Variants in PCDHGA7 observed in about 807,000 individuals in gnomAD.
The protein encoded by PCDHGA7 is protocadherin gamma subfamily A, 7.
PCDHGA7 carries 44 observed loss-of-function variants against 58.3 expected under a neutral mutation model. That is an observed-to-expected ratio of 0.75 (90% CI 0.59 to 0.97). The LOEUF (loss-of-function observed/expected upper bound fraction) is 0.97. PCDHGA7 is among the 50% of genes least tolerant of loss of function. PCDHGA7 has a pLI of 0.00. For synonymous variants in PCDHGA7, 516 were observed against 504.2 expected, an observed-to-expected ratio of 1.02 and a Z score of -0.31; for missense variants, 1,266 against 1,188.7, an observed-to-expected ratio of 1.06 and a Z score of -0.96.
rs184178455 is a variant in PCDHGA7 at position 141,428,574 on chromosome 5, T to C, written c.2424+43251T>C. ...CAGTCCCCCCACAAGATCTTTCTAA[T>C]GAAGTTTCTCTGGTAGCAAGCTTCA... is the stretch of plus-strand genomic sequence containing the variant. On this transcript the variant is annotated intron_variant, in intron 1 of 3. Transcript: ENST00000518325. 1.8e-3 allele frequency: 416 copies of C among 229,070 alleles called. 3 individuals are homozygous for C. The highest frequency in any genetic ancestry group is 2.8e-3 in the Non-Finnish European group (314 of 113,918). The allele number at this position is 229,070 out of a possible 1,614,324, so 14.2% of individuals were successfully genotyped here. A position where few individuals can be genotyped will look rare whatever the true frequency, so the allele number is the denominator to read the frequency against.
chr5:141,403,788 A>G, intron 1 of PCDHGA7: 3 of 1,613,956 alleles, frequency 1.9e-6, no homozygotes, highest in South Asian at 1.1e-5. Context: ...AAAGTGGCAT[A>G]CAAATTCTGG....
chr5:141,454,860 T>G (rs62379170), intron 1 of PCDHGA7, among the ~76,000 whole-genome samples: 5,850 of 133,200 alleles, frequency 0.044, 153 homozygotes, highest in Middle Eastern at 0.11. Context: ...CAGGCTGGAG[T>G]GCAGTGGCAC....
At chr5:141,483,648 TTGTGTGTGTG>T (rs111458813) in intron 1 of PCDHGA7, among the ~76,000 whole-genome samples, 35 of 149,708 alleles carry the variant, frequency 2.3e-4, no homozygotes, top group Non-Finnish European at 4.6e-4. Flanking sequence ...GGGTGTGTGT[TTGTGTGTGTG>T]TGTGTGTGTG....
chr5:141,433,050 G>A, intron 1 of PCDHGA7: 2 of 1,614,142 alleles, frequency 1.2e-6, no homozygotes, highest in Non-Finnish European at 1.7e-6. Context: ...ACGGACTCGC[G>A]GAAGAGTCAC....
At chr5:141,458,201 TAGTTTAAAATA>T (rs1175017515) in intron 1 of PCDHGA7, among the ~76,000 whole-genome samples, 1 of 152,168 alleles carries the variant, frequency 6.6e-6, no homozygotes, top group Non-Finnish European at 1.5e-5. Context: ...AGGCCATAAA[TAGTTTAAAATA>T]AGTTTCCTTT....
In PCDHGA7 at chr5:141,491,561, A is replaced by G. The variant is rs1289732955; in HGVS notation, c.2425-3246A>G. ...CCCACAGACTCGCAGAGCCACTGCT[A>G]CAGGACGTGCTTTTCACCGGCCTCG... On this transcript the variant is annotated intron_variant, in intron 1 of 3. Transcript: ENST00000518325. The surrounding 1 kb of genome is among the most constrained non-coding windows in gnomAD (Gnocchi z 6.9). The G allele has an allele frequency of 6.2e-7, 1 of 1,613,938 alleles. No homozygotes were observed. Among genetic ancestry groups the G allele is most frequent in the Non-Finnish European group, 8.5e-7 (1 of 1,180,018 alleles).
intron 1 of PCDHGA7, chr5:141,398,999 A>C: frequency 6.2e-7 from 1 of 1,613,964 alleles, no homozygotes; most frequent in East Asian, 2.2e-5. Context: ...TTTAGTCTGA[A>C]TTCAAAGAGC....
intron 1 of PCDHGA7, chr5:141,442,507 G>C (rs1394231840): frequency 1.3e-5 from 2 of 152,208 alleles, no homozygotes; most frequent in Non-Finnish European, 1.5e-5. Flanking sequence ...TATTCTAATT[G>C]CTTGGGCAGA....
chr5:141,403,953 T>C, intron 1 of PCDHGA7: 1 of 1,613,860 alleles, frequency 6.2e-7, no homozygotes, highest in South Asian at 1.1e-5. Flanking sequence ...ACAAAAGTGC[T>C]CATTTCGGTG....
intron 1 of PCDHGA7, chr5:141,404,708 T>C: frequency 6.2e-7 from 1 of 1,614,064 alleles, no homozygotes; most frequent in Non-Finnish European, 8.5e-7. Context: ...AGAGCCTGGC[T>C]ACCTGGTGAC....
intron 2 of PCDHGA7, among the ~76,000 whole-genome samples, chr5:141,499,370 AT>A (rs932083472): frequency 2.0e-5 from 3 of 152,170 alleles, no homozygotes. Context: ...TAGCAACTTA[AT>A]TTTTTTCCAC....
chr5:141,472,980 C>CAAAAAAAAAAAAAAAAAAAA (rs60579131), intron 1 of PCDHGA7, among the ~76,000 whole-genome samples: 7 of 86,088 alleles, frequency 8.1e-5, no homozygotes, highest in South Asian at 4.3e-4. Flanking sequence ...GAGTGAAACT[C>CAAAAAAAAAAAAAAAAAAAA]AAAAAAAAAA....
chr5:141,482,530 CAAAAA>C (rs3074545), intron 1 of PCDHGA7, among the ~76,000 whole-genome samples: 1 of 76,558 alleles, frequency 1.3e-5, no homozygotes, highest in African/African-American at 4.8e-5. Context: ...GACAGACATG[CAAAAA>C]AAAAAAAAAA....
intron 1 of PCDHGA7, chr5:141,427,356 G>A (rs1295421809): frequency 8.7e-6 from 4 of 457,618 alleles, no homozygotes; most frequent in Non-Finnish European, 1.8e-5. Context: ...AACTGAGGAC[G>A]CAGAACCCTG....
chr5:141,491,726 C>T lies in PCDHGA7; in HGVS notation c.2425-3081C>T. On this transcript the variant is annotated intron_variant, in intron 1 of 3. Transcript: ENST00000518325. This position sits in a 1 kb window ranked among gnomAD's most constrained non-coding sequence, Gnocchi z 6.9. ...GTGAGGGGCTCGGCGCCGCCCCGGG[C>T]GACCCCTGGGGGCGGCACTGGAGAA... The T allele has an allele frequency of 6.2e-7, 1 of 1,605,884 alleles. No individual in the cohort carries two copies. Among genetic ancestry groups the T allele is most frequent in the East Asian group, 2.2e-5 (1 of 44,600 alleles).
intron 2 of PCDHGA7, among the ~76,000 whole-genome samples, chr5:141,501,690 A>G (rs760011264): frequency 5.3e-5 from 8 of 152,158 alleles, no homozygotes; most frequent in Non-Finnish European, 1.0e-4. Context: ...ACTTATCTGC[A>G]GGGTGATTCC....
intron 1 of PCDHGA7, among the ~76,000 whole-genome samples, chr5:141,458,992 C>G (rs1268862644): frequency 6.6e-6 from 1 of 152,190 alleles, no homozygotes; most frequent in African/African-American, 2.4e-5. Flanking sequence ...CTCACCCTCC[C>G]AAAGTGCTGG....
chr5:141,428,307 C>A, intron 1 of PCDHGA7: 1 of 688,030 alleles, frequency 1.5e-6, no homozygotes, highest in South Asian at 1.6e-5. Flanking sequence ...TTTACCTGGT[C>A]GTGGCCTTGG....
chr5:141,485,566 C>G lies in PCDHGA7; in HGVS notation c.2425-9241C>G, dbSNP rs768144422. On this transcript the variant is annotated intron_variant, in intron 1 of 3. Transcript: ENST00000518325. This position sits in a 1 kb window ranked among gnomAD's most constrained non-coding sequence, Gnocchi z 5.7. ...TCGTAGATGTGAATGATCACGCCCC[C>G]CGTTTTCCGCGGCAGCAGCTGGACT... 2.5e-6 allele frequency: 4 copies of G among 1,612,808 alleles called. No homozygotes were observed. Among genetic ancestry groups the G allele is most frequent in the South Asian group, 2.2e-5 (2 of 91,028 alleles).
Sources: allele counts gnomAD v4.1 joint callset (sites outside exome capture counted in the v4.1 genomes callset), GRCh38; gene constraint gnomAD v4.1.1; non-coding constraint Gnocchi (gnomAD v3.1); transcripts MANE v1.5; gene names NCBI Gene and HGNC (gene_info 2026-07-23, HGNC 2026-07-21).